SLCO4C1: variants seen among roughly 807,000 people sequenced by gnomAD.
The protein encoded by SLCO4C1 is organic anion transporter M1.
Under a neutral mutation model 72.1 loss-of-function variants are expected in SLCO4C1, and 58 were observed. The observed-to-expected ratio is 0.80, with a 90% CI of 0.65 to 1.00. The LOEUF is 1.00. Among genes scored for constraint, SLCO4C1 ranks in the 50% least tolerant of loss-of-function variants. SLCO4C1 has a pLI of 0.00. For synonymous variants in SLCO4C1, 297 were observed against 312.5 expected, an observed-to-expected ratio of 0.95 and a Z score of 0.52; for missense variants, 898 against 857.9, an observed-to-expected ratio of 1.05 and a Z score of -0.58.
intron 8 of SLCO4C1, among the ~76,000 whole-genome samples, chr5:102,256,027 G>A (rs908738594): frequency 5.9e-5 from 9 of 152,044 alleles, no homozygotes; most frequent in Admixed American, 5.2e-4. Flanking sequence ...CCAACAGGGC[G>A]AAACCCCACG....
chr5:102,237,478 T>C (rs1748459538), intron 12 of SLCO4C1, among the ~76,000 whole-genome samples: 1 of 151,390 alleles, frequency 6.6e-6, no homozygotes, highest in Admixed American at 6.6e-5. Context: ...GTATGATGGA[T>C]GGTACAGCCT....
At chr5:102,245,955 G>C (rs1041819594) in intron 10 of SLCO4C1, among the ~76,000 whole-genome samples, 1 of 151,630 alleles carries the variant, frequency 6.6e-6, no homozygotes, top group Admixed American at 6.6e-5. Flanking sequence ...GGTCAATAAA[G>C]AAATTAAGAA....
At position 102,295,994 on chromosome 5, in the gene SLCO4C1, C is replaced by CA. The variant is rs778181054; in HGVS notation, c.268dup (p.Trp90LeufsTer34). On this transcript the variant is annotated frameshift_variant, in exon 1 of 13. Transcript: ENST00000310954. LOFTEE classifies it high-confidence loss of function. The stretch of plus-strand genomic sequence containing the variant: ...GAGACATTGAGGATGGAAGTTCCTC[C>CA]AGCCGTAAGACCCCTCCTCAAACTC... 1.6e-5 allele frequency: 26 copies of CA among 1,614,266 alleles called. No individual in the cohort carries two copies. Among genetic ancestry groups the CA allele is most frequent in the Non-Finnish European group, 2.2e-5 (26 of 1,180,050 alleles).
chr5:102,258,193 T>G, intron 6 of SLCO4C1, 106 bp from the exon 7 acceptor site: 1 of 917,010 alleles, frequency 1.1e-6, no homozygotes, highest in Non-Finnish European at 1.5e-6. Context: ...CAATCATCTG[T>G]AAAATTTCAG....
intron 8 of SLCO4C1, among the ~76,000 whole-genome samples, chr5:102,251,137 G>A (rs1748731846): frequency 6.6e-6 from 1 of 152,212 alleles, no homozygotes; most frequent in African/African-American, 2.4e-5. Flanking sequence ...CTGAGGCACA[G>A]AGTGATGGGA....
rs751262056 is a variant in SLCO4C1 at position 102,236,921 on chromosome 5, C to T, written c.2112G>A (p.Glu704=). 2.0e-5 allele frequency: 32 copies of T among 1,612,726 alleles called. No individual in the cohort carries two copies. Among genetic ancestry groups the T allele is most frequent in the Non-Finnish European group, 2.6e-5 (31 of 1,179,676 alleles). Residue 704 remains glutamate (E), a synonymous_variant, in exon 13 of 13, where the codon GAG becomes GAA. Transcript: ENST00000310954. ...PSATDVSFHK[E]NAVVTNVLAE... Reference sequence around the variant, plus strand: ...CTAAAACATTAGTCACAACTGCATTCTCTTTATGAAATGACACATCTGTGG... The same window carrying T: ...CTAAAACATTAGTCACAACTGCATTTTCTTTATGAAATGACACATCTGTGG...
intron 10 of SLCO4C1, among the ~76,000 whole-genome samples, chr5:102,243,571 T>C (rs967754235): frequency 2.8e-4 from 42 of 152,106 alleles, no homozygotes; most frequent in African/African-American, 9.9e-4. Flanking sequence ...CAACTAAAAT[T>C]AGAACACCCA....
chr5:102,244,111 T>C (rs1350836010), intron 10 of SLCO4C1, among the ~76,000 whole-genome samples: 8 of 151,986 alleles, frequency 5.3e-5, no homozygotes, highest in Non-Finnish European at 1.2e-4. Context: ...CACTTGAACT[T>C]GGGAGGCAGA....
intron 2 of SLCO4C1, among the ~76,000 whole-genome samples, chr5:102,289,377 G>A (rs1266014474): frequency 6.6e-6 from 1 of 152,200 alleles, no homozygotes; most frequent in Non-Finnish European, 1.5e-5. Context: ...GATCGTGGAA[G>A]ACAGATCAGG....
intron 10 of SLCO4C1, among the ~76,000 whole-genome samples, chr5:102,244,601 AC>A (rs1316683593): frequency 1.3e-5 from 2 of 152,174 alleles, no homozygotes; most frequent in Non-Finnish European, 2.9e-5. Context: ...TAATAATCAA[AC>A]TCTCAAACAT....
intron 2 of SLCO4C1, among the ~76,000 whole-genome samples, chr5:102,286,453 T>C (rs528331439): frequency 2.0e-5 from 3 of 152,248 alleles, no homozygotes; most frequent in Admixed American, 1.3e-4. Context: ...TGTTACGTGG[T>C]AAAGATTTAC....
intron 8 of SLCO4C1, among the ~76,000 whole-genome samples, chr5:102,253,379 A>G (rs998634703): frequency 1.3e-5 from 2 of 152,334 alleles, no homozygotes; most frequent in Middle Eastern, 3.4e-3. Context: ...GCAAATTAAC[A>G]CAGGCACAGA....
intron 11 of SLCO4C1, 137 bp downstream of exon 11, chr5:102,240,580 GA>G: frequency 1.5e-6 from 1 of 664,102 alleles, no homozygotes; most frequent in African/African-American, 1.8e-5. Flanking sequence ...TGAAACATTG[GA>G]AAATGGCTTC....
intron 3 of SLCO4C1, among the ~76,000 whole-genome samples, chr5:102,269,868 T>C (rs1309820231): frequency 2.0e-5 from 3 of 152,064 alleles, no homozygotes; most frequent in Non-Finnish European, 4.4e-5. Context: ...CATATTCCTA[T>C]AGATATATCT....
chr5:102,289,762 A>G (rs1463788665), intron 2 of SLCO4C1, among the ~76,000 whole-genome samples: 1 of 152,196 alleles, frequency 6.6e-6, no homozygotes, highest in Non-Finnish European at 1.5e-5. Flanking sequence ...CTCTCTGCTG[A>G]TAACTTATTC....
chr5:102,278,517 A>C lies in SLCO4C1; in HGVS notation c.620-7711T>G, dbSNP rs188345146. Among the ~76,000 whole-genome samples the C allele has an allele frequency of 1.9e-3, 296 of 152,314 alleles. 2 individuals are homozygous for C. The highest frequency in any genetic ancestry group is 7.0e-3 in the African/African-American group (289 of 41,578). ...CCAACATTTTTTAAGCACTCTGCCAAACAATAGCAAAATACATTTTCTTTT... is the reference window on the plus strand; with the variant it reads ...CCAACATTTTTTAAGCACTCTGCCACACAATAGCAAAATACATTTTCTTTT... On this transcript the variant is annotated intron_variant, in intron 2 of 12. Transcript: ENST00000310954.
Position 102,236,966 on chromosome 5 carries a change from C to T in SLCO4C1, c.2067G>A (p.Leu689=), listed in dbSNP as rs1372692184. Residue 689 remains leucine (L), a synonymous_variant, in exon 13 of 13, where the codon TTG becomes TTA. Transcript: ENST00000310954. The part of the protein sequence containing the change: ...TMFFNGFAIF[L]YKPPPSATDV... The stretch of plus-strand genomic sequence containing the variant: ...CTGTGGCTGATGGAGGTGGTTTATA[C>T]AAAAAGATTGCAAATCCATTGAAGA... 1 of 1,610,454 alleles carries T rather than the reference C, an allele frequency of 6.2e-7. No individual in the cohort carries two copies.
At chr5:102,279,491 A>G (rs1261303852) in intron 2 of SLCO4C1, among the ~76,000 whole-genome samples, 2 of 152,052 alleles carry the variant, frequency 1.3e-5, no homozygotes, top group African/African-American at 4.8e-5. Flanking sequence ...GAATTCTAAC[A>G]AACATATAAA....
At chr5:102,240,550 TAAGTA>T (rs1197505849) in intron 11 of SLCO4C1, among the ~76,000 whole-genome samples, 163 bp downstream of exon 11, 5 of 152,214 alleles carry the variant, frequency 3.3e-5, no homozygotes, top group African/African-American at 7.2e-5. Context: ...AAGTATGCAA[TAAGTA>T]AATAATCCTA....
Sources: gnomAD v4.1 joint callset for allele counts (sites outside exome capture counted in the v4.1 genomes callset) on GRCh38, gnomAD v4.1.1 for gene constraint, MANE v1.5 for transcripts, NCBI Gene and HGNC (gene_info 2026-07-23, HGNC 2026-07-21) for gene names.